VWC2L: variants seen among roughly 807,000 people sequenced by gnomAD.
VWC2L encodes von Willebrand factor C domain-containing protein 2-like.
VWC2L carries 10 observed loss-of-function variants against 21.6 expected under a neutral mutation model. The observed-to-expected ratio is 0.46, with a 90% CI of 0.29 to 0.78. VWC2L has a LOEUF of 0.78. Ranked by LOEUF, VWC2L falls within the 30% of genes least tolerant of loss-of-function variation. The pLI is 0.10. For missense variants in VWC2L, 209 were observed against 277.1 expected (o/e 0.75, Z 1.74); for synonymous variants, 96 against 94.3 (o/e 1.02, Z -0.10).
At chr2:214,473,094 A>C (rs1165220678) in intron 3 of VWC2L, among the ~76,000 whole-genome samples, 1 of 152,242 alleles carries the variant, frequency 6.6e-6, no homozygotes, top group Non-Finnish European at 1.5e-5. Context: ...GTCAAAAGTA[A>C]GCAAAAGCAA....
chr2:214,454,742 A>G (rs1381245220), intron 3 of VWC2L, among the ~76,000 whole-genome samples: 1 of 150,690 alleles, frequency 6.6e-6, no homozygotes, highest in Non-Finnish European at 1.5e-5. Context: ...AGCTGGGACT[A>G]CAGGCGCCTG....
intron 3 of VWC2L, among the ~76,000 whole-genome samples, chr2:214,457,597 T>C (rs150900209): frequency 1.3e-5 from 2 of 152,088 alleles, no homozygotes; most frequent in African/African-American, 2.4e-5. Context: ...TTCAGCTTCT[T>C]CCCATTCATT....
intron 3 of VWC2L, among the ~76,000 whole-genome samples, chr2:214,517,952 G>A (rs1574611161): frequency 6.6e-6 from 1 of 152,284 alleles, no homozygotes; most frequent in East Asian, 1.9e-4. Context: ...AGATCACGAG[G>A]TCAGGAGATC....
intron 2 of VWC2L, among the ~76,000 whole-genome samples, chr2:214,427,065 C>A (rs1210269156): frequency 6.6e-6 from 1 of 152,088 alleles, no homozygotes; most frequent in Non-Finnish European, 1.5e-5. Flanking sequence ...AGATTAAAAA[C>A]AAAATTCTAA....
At chr2:214,558,231 A>G (rs900392791) in intron 3 of VWC2L, among the ~76,000 whole-genome samples, 1 of 151,836 alleles carries the variant, frequency 6.6e-6, no homozygotes, top group African/African-American at 2.4e-5. Context: ...GCTCCATCTC[A>G]TCTGTCTTCC....
chr2:214,418,686 A>G (rs1003454576), intron 2 of VWC2L, among the ~76,000 whole-genome samples: 3 of 152,162 alleles, frequency 2.0e-5, no homozygotes, highest in African/African-American at 7.2e-5. Flanking sequence ...TACCAGGTCA[A>G]ATTGTAATCA....
intron 3 of VWC2L, among the ~76,000 whole-genome samples, chr2:214,460,129 G>T (rs550501994): frequency 7.9e-5 from 12 of 151,976 alleles, no homozygotes; most frequent in South Asian, 6.3e-4. Context: ...TTTCACTCCT[G>T]ACCTCAGGTG....
At chr2:214,458,646 G>T (rs1359060072) in intron 3 of VWC2L, among the ~76,000 whole-genome samples, 1 of 151,906 alleles carries the variant, frequency 6.6e-6, no homozygotes, top group Non-Finnish European at 1.5e-5. Context: ...TTCCATTTGA[G>T]AATTTTTTCA....
At position 214,500,969 on chromosome 2, in the gene VWC2L, CTAAG is replaced by C. The variant is rs150480777; in HGVS notation, c.520+64216_520+64219del. Among the ~76,000 whole-genome samples, 851 of 152,246 alleles carry C rather than the reference CTAAG, an allele frequency of 5.6e-3. 8 individuals carry two copies. Among genetic ancestry groups the C allele is most frequent in the African/African-American group, 0.019 (785 of 41,532 alleles). On this transcript the variant is annotated intron_variant, in intron 3 of 3. Coordinates refer to ENST00000312504, the MANE Select transcript of VWC2L (RefSeq NM_001080500.4). ...TTCTAATCTCATCAGGTTGTACTCT[CTAAG>C]TAAGCCTATAAACAGCATCTCTCTT...
chr2:214,482,398 C>T (rs1195349154), intron 3 of VWC2L, among the ~76,000 whole-genome samples: 1 of 151,848 alleles, frequency 6.6e-6, no homozygotes, highest in African/African-American at 2.4e-5. Context: ...CATTACTGAC[C>T]CCAGTACCAG....
At chr2:214,423,391 A>C (rs1013175174) in intron 2 of VWC2L, among the ~76,000 whole-genome samples, 1 of 152,172 alleles carries the variant, frequency 6.6e-6, no homozygotes, top group African/African-American at 2.4e-5. Context: ...CATTGTGCCA[A>C]ATAATGGCAC....
Position 214,414,132 on chromosome 2 carries a change from C to T in VWC2L, c.-62C>T. 1 of 1,527,120 alleles carries T rather than the reference C, an allele frequency of 6.5e-7. No individual in the cohort carries two copies. The highest frequency in any genetic ancestry group is 8.8e-7 in the Non-Finnish European group (1 of 1,136,822). 94.6% of individuals were successfully genotyped at this position (1,527,120 alleles called of 1,614,324 possible). ...TTTTCAGCCTACCCCTCTTGTATTC[C>T]CATGGAAGGAGCTGAGTATATTTAA... On this transcript the variant is annotated 5_prime_UTR_variant, in exon 2 of 4. Coordinates refer to ENST00000312504, the MANE Select transcript of VWC2L (RefSeq NM_001080500.4).
chr2:214,433,303 G>T (rs1319826219), intron 2 of VWC2L, among the ~76,000 whole-genome samples: 1 of 151,660 alleles, frequency 6.6e-6, no homozygotes, highest in Non-Finnish European at 1.5e-5. Flanking sequence ...CAGAAATAAA[G>T]TGTTCTGTGA....
intron 3 of VWC2L, among the ~76,000 whole-genome samples, chr2:214,556,825 C>A (rs1373841822): frequency 1.3e-5 from 2 of 152,318 alleles, no homozygotes; most frequent in Non-Finnish European, 1.5e-5. Context: ...CAACCACTCT[C>A]TTGTTAATAT....
chr2:214,465,648 C>T (rs1272748670), intron 3 of VWC2L, among the ~76,000 whole-genome samples: 1 of 152,162 alleles, frequency 6.6e-6, no homozygotes, highest in South Asian at 2.1e-4. Context: ...TTCATGCAGC[C>T]CAAGTCCACT....
At chr2:214,424,668 T>C (rs563305475) in intron 2 of VWC2L, among the ~76,000 whole-genome samples, 37 of 152,350 alleles carry the variant, frequency 2.4e-4, no homozygotes, top group African/African-American at 8.4e-4. Context: ...CACTTTTTTT[T>C]CTCAGAACAC....
intron 2 of VWC2L, chr2:214,414,878 T>C (rs1402567509): frequency 1.4e-5 from 5 of 361,620 alleles, no homozygotes; most frequent in Admixed American, 9.5e-5. Context: ...TTACAAAATA[T>C]GTTTTCTGAT....
chr2:214,413,572 A>C (rs1574551190), intron 1 of VWC2L, among the ~76,000 whole-genome samples: 1 of 152,252 alleles, frequency 6.6e-6, no homozygotes, highest in East Asian at 1.9e-4. Context: ...TTGTTCTTTA[A>C]TTATGGGCAT....
chr2:214,548,512 A>G (rs1164542216), intron 3 of VWC2L, among the ~76,000 whole-genome samples: 1 of 152,196 alleles, frequency 6.6e-6, no homozygotes, highest in Non-Finnish European at 1.5e-5. Flanking sequence ...CTAAGCAGGG[A>G]ACTCAACCAA....
Sources: allele counts gnomAD v4.1 joint callset (sites outside exome capture counted in the v4.1 genomes callset), GRCh38; gene constraint gnomAD v4.1.1; transcripts MANE v1.5; gene names NCBI Gene and HGNC (gene_info 2026-07-23, HGNC 2026-07-21).